Variants in CFAP206 observed in about 807,000 individuals in gnomAD.
CFAP206 encodes the protein cilia and flagella associated protein 206.
Under a neutral mutation model 65.4 loss-of-function variants are expected in CFAP206, and 53 were observed. The ratio of observed to expected loss-of-function variants is 0.81; its 90% confidence interval spans 0.65 to 1.02. CFAP206 has a LOEUF of 1.02. CFAP206 is among the 50% of genes least tolerant of loss of function. The pLI, the probability that CFAP206 is intolerant of heterozygous loss-of-function variation, is 0.00. For missense variants in CFAP206, 663 were observed against 753.2 expected (o/e 0.88, Z 1.40); for synonymous variants, 250 against 254.4 (o/e 0.98, Z 0.17).
rs1374488018 is a variant in CFAP206 at position 87,464,049 on chromosome 6, A to G, written c.1668A>G (p.Ser556=). ...ATTTGCGCCAGAAAGTTACTCACTCAGTACAAACTGATCTTAGTCACTTGA... is the reference window on the plus strand; with the variant it reads ...ATTTGCGCCAGAAAGTTACTCACTCGGTACAAACTGATCTTAGTCACTTGA... ...LANLRQKVTH[S]VQTDLSHLRR... The change falls in exon 13 of 13, where the codon TCA becomes TCG. Residue 556 remains serine (S), a synonymous_variant. Coordinates refer to ENST00000369562, the MANE Select transcript of CFAP206 (RefSeq NM_001031743.3). 2.5e-6 allele frequency: 4 copies of G among 1,612,716 alleles called. No homozygotes were observed. The highest frequency in any genetic ancestry group is 2.2e-5 in the East Asian group (1 of 44,882).
At chr6:87,428,511 T>G (rs1252695658) in intron 8 of CFAP206, 115 bp from the exon 9 acceptor site, 1 of 923,498 alleles carries the variant, frequency 1.1e-6, no homozygotes, top group Non-Finnish European at 1.7e-6. Flanking sequence ...GTAAGACTTT[T>G]GCTTAGGGAG....
chr6:87,460,557 A>G (rs1768728710), intron 11 of CFAP206, among the ~76,000 whole-genome samples: 1 of 152,218 alleles, frequency 6.6e-6, no homozygotes, highest in Admixed American at 6.5e-5. Flanking sequence ...GTTATCATTT[A>G]TAAGTGGGAG....
intron 11 of CFAP206, among the ~76,000 whole-genome samples, chr6:87,439,458 T>G (rs6914299): frequency 0.57 from 86,877 of 151,838 alleles, 25,032 homozygotes; most frequent in Admixed American, 0.67. Flanking sequence ...TGTATTTTGC[T>G]TATGAATTCT....
At chr6:87,454,566 G>A (rs1482771925) in intron 11 of CFAP206, among the ~76,000 whole-genome samples, 1 of 151,936 alleles carries the variant, frequency 6.6e-6, no homozygotes, top group African/African-American at 2.4e-5. Context: ...CTAGAAATTG[G>A]CTGGGTGTGG....
intron 3 of CFAP206, among the ~76,000 whole-genome samples, chr6:87,412,788 G>A (rs1767759285): frequency 6.6e-6 from 1 of 152,098 alleles, no homozygotes. Flanking sequence ...AGCCTCCCGA[G>A]TAGCTGGGAC....
At position 87,435,048 on chromosome 6, in the gene CFAP206, T is replaced by C. The variant is rs780146877; in HGVS notation, c.1489T>C (p.Ser497Pro). 3.2e-5 allele frequency: 50 copies of C among 1,579,906 alleles called. No individual in the cohort carries two copies. Among genetic ancestry groups the C allele is most frequent in the Non-Finnish European group, 4.3e-5 (50 of 1,159,918 alleles). Residue 497 changes from serine to proline, a missense_variant, in exon 11 of 13, where the codon TCT becomes CCT. Transcript: ENST00000369562. ...ACAGTTTGAAACATTTATTCCATAT[T>C]CTCAGGTAAGCAGGGTCAATATTTT... is the stretch of plus-strand genomic sequence containing the variant. ...HQQFETFIPY[S>P]QMRDADKHYI... is the part of the protein sequence containing the mutation.
chr6:87,457,186 C>T (rs1768661026), intron 11 of CFAP206, among the ~76,000 whole-genome samples: 1 of 148,920 alleles, frequency 6.7e-6, no homozygotes, highest in African/African-American at 2.5e-5. Flanking sequence ...TTGAAGAGGA[C>T]ACAAAGCAAC....
Position 87,410,592 on chromosome 6 carries a change from C to T in CFAP206, c.116C>T (p.Ala39Val), listed in dbSNP as rs1043235911. ...SETLIAFMVK[A>V]VVLDPSNGFN... ...GTTCCTACTTTTTTCTAGGTGAAAG[C>T]TGTTGTCCTGGATCCAAGTAATGGC... The change falls in exon 3 of 13, where the codon GCT (alanine) becomes GTT (valine). Residue 39 changes from alanine (A) to valine (V), a missense_variant. Coordinates refer to ENST00000369562, the MANE Select transcript of CFAP206 (RefSeq NM_001031743.3). The T allele has an allele frequency of 6.2e-7, 1 of 1,613,164 alleles. No individual in the cohort carries two copies. The highest frequency in any genetic ancestry group is 8.5e-7 in the Non-Finnish European group (1 of 1,179,338).
In CFAP206 at chr6:87,426,578, G is replaced by A. The variant is rs754764060; in HGVS notation, c.893G>A (p.Gly298Glu). The change falls in exon 8 of 13, where the codon GGA becomes GAA. Residue 298 changes from glycine (G) to glutamate (E), a missense_variant. By Grantham distance (98) the Gly-to-Glu change is moderately conservative (BLOSUM62 -2). Coordinates refer to ENST00000369562, the MANE Select transcript of CFAP206 (RefSeq NM_001031743.3). ...GTGGAAATGATGACAAAACAGTTAG[G>A]AGCCCATCTGGAACAACTAAAAATG... ...QEVEMMTKQL[G>E]AHLEQLKMTI... 5.0e-6 allele frequency: 8 copies of A among 1,602,022 alleles called. No individual in the cohort carries two copies. Among genetic ancestry groups the A allele is most frequent in the East Asian group, 2.3e-5 (1 of 44,296 alleles).
chr6:87,451,192 G>A (rs959562947), intron 11 of CFAP206, among the ~76,000 whole-genome samples: 7 of 152,158 alleles, frequency 4.6e-5, no homozygotes, highest in Admixed American at 2.6e-4. Flanking sequence ...GGGTGCATGC[G>A]ACCCAGTGAG....
At chr6:87,452,268 T>C in intron 11 of CFAP206, among the ~76,000 whole-genome samples, 1 of 152,226 alleles carries the variant, frequency 6.6e-6, no homozygotes, top group South Asian at 2.1e-4. Flanking sequence ...GGGCTTGGGG[T>C]GCCCCCTAAT....
chr6:87,415,610 C>A, intron 4 of CFAP206, 76 bp from the exon 5 acceptor site: 1 of 1,295,518 alleles, frequency 7.7e-7, no homozygotes. Context: ...ATATCCAATC[C>A]AGTTTTTCTC....
Position 87,417,529 on chromosome 6 carries a change from A to G in CFAP206, c.632-679A>G, listed in dbSNP as rs1767854058. ...ACTATTCTGTCATTTTTCACCATCCAGATGAGTTTCTTAACAAACGTTCCT... is the reference window on the plus strand; with the variant it reads ...ACTATTCTGTCATTTTTCACCATCCGGATGAGTTTCTTAACAAACGTTCCT... On this transcript the variant is annotated intron_variant, in intron 6 of 12. Coordinates refer to ENST00000369562, the MANE Select transcript of CFAP206 (RefSeq NM_001031743.3). Among the ~76,000 whole-genome samples the G allele has an allele frequency of 4.0e-5, 6 of 151,148 alleles. No homozygotes were observed. The South Asian group carries it at 1.3e-3, about 32-fold the overall frequency.
chr6:87,417,874 G>A (rs904876450), intron 6 of CFAP206, among the ~76,000 whole-genome samples: 18 of 151,140 alleles, frequency 1.2e-4, no homozygotes, highest in African/African-American at 4.4e-4. Context: ...TCCTGTGCTG[G>A]GATTACAGGC....
At chr6:87,421,364 T>C (rs953417154) in intron 7 of CFAP206, among the ~76,000 whole-genome samples, 3 of 152,076 alleles carry the variant, frequency 2.0e-5, no homozygotes, top group African/African-American at 7.2e-5. Flanking sequence ...TGGGTGCCTG[T>C]AATCCCAGCT....
At position 87,431,032 on chromosome 6, in the gene CFAP206, G is replaced by A. The variant is rs1311572767; in HGVS notation, c.1160-1G>A. 1 of 1,612,700 alleles carries A rather than the reference G, an allele frequency of 6.2e-7. No homozygotes were observed. The highest frequency in any genetic ancestry group is 8.5e-7 in the Non-Finnish European group (1 of 1,179,456). On this transcript the variant is annotated splice_acceptor_variant, in intron 9 of 12. Coordinates refer to ENST00000369562, the MANE Select transcript of CFAP206 (RefSeq NM_001031743.3). LOFTEE classifies it high-confidence loss of function. ...GCTTTTCTTCTTCTCCTTCATTTTAGAAGATAGAGTAAATGTGGCAGATTT... is the reference window on the plus strand; with the variant it reads ...GCTTTTCTTCTTCTCCTTCATTTTAAAAGATAGAGTAAATGTGGCAGATTT...
chr6:87,411,794 G>A (rs1267101379), intron 3 of CFAP206, among the ~76,000 whole-genome samples: 2 of 152,158 alleles, frequency 1.3e-5, no homozygotes, highest in East Asian at 1.9e-4. Context: ...GTATGTTTCT[G>A]TTGACTTTGT....
chr6:87,434,803 A>G, intron 10 of CFAP206, 57 bp from the exon 11 acceptor site: 1 of 1,020,380 alleles, frequency 9.8e-7, no homozygotes. Context: ...CAGCCAGAAT[A>G]ACAATATTTC....
intron 7 of CFAP206, among the ~76,000 whole-genome samples, chr6:87,423,207 C>G (rs1767976267): frequency 6.6e-6 from 1 of 151,680 alleles, no homozygotes; most frequent in African/African-American, 2.4e-5. Flanking sequence ...GCGTGAGCCA[C>G]TGCGCCCAGC....
Sources: gnomAD v4.1 joint callset for allele counts (sites outside exome capture counted in the v4.1 genomes callset) on GRCh38, gnomAD v4.1.1 for gene constraint, MANE v1.5 for transcripts, NCBI Gene and HGNC (gene_info 2026-07-23, HGNC 2026-07-21) for gene names.